The following KLF12 variants were observed in gnomAD, a reference collection of about 807,000 sequenced individuals.
KLF12 encodes Krueppel-like factor 12.
A neutral mutation model predicts 37.8 loss-of-function variants in KLF12; 9 were observed. The ratio of observed to expected loss-of-function variants is 0.24; its 90% CI spans 0.14 to 0.42. The LOEUF (loss-of-function observed/expected upper bound fraction) is 0.42. KLF12 is among the 10% of genes least tolerant of loss of function. The pLI is 1.00. For synonymous variants in KLF12, 208 were observed against 202.1 expected (o/e 1.03, Z -0.25); for missense variants, 411 against 516.0 (o/e 0.80, Z 1.97).
At chr13:73,845,722 A>T in intron 4 of KLF12, 105 bp downstream of exon 4, 1 of 1,027,212 alleles carries the variant, frequency 9.7e-7, no homozygotes, top group Non-Finnish European at 1.4e-6. Context: ...CTCTACACAG[A>T]ACTTCTTTAG....
At chr13:74,206,256 T>C in the KLF12 span, among the ~76,000 whole-genome samples, 1 of 152,198 alleles carries the variant, frequency 6.6e-6, no homozygotes, top group African/African-American at 2.4e-5. Context: ...TATTTTATAA[T>C]ACTAACTATA....
At chr13:74,209,071 A>G in the KLF12 span, among the ~76,000 whole-genome samples, 1 of 152,140 alleles carries the variant, frequency 6.6e-6, no homozygotes, top group Non-Finnish European at 1.5e-5. Context: ...CATTACAGAA[A>G]TATTAAAAAA....
chr13:73,977,827 T>C (rs1297323282), intron 2 of KLF12, among the ~76,000 whole-genome samples: 1 of 152,194 alleles, frequency 6.6e-6, no homozygotes, highest in African/African-American at 2.4e-5. Flanking sequence ...ATAAATATAG[T>C]CAACTAATCT....
At chr13:73,791,010 A>C (rs1881653107) in intron 5 of KLF12, among the ~76,000 whole-genome samples, 1 of 152,194 alleles carries the variant, frequency 6.6e-6, no homozygotes, top group Admixed American at 6.5e-5. Flanking sequence ...AAAAAGGGGG[A>C]GTTGTCTCTT....
the KLF12 span, among the ~76,000 whole-genome samples, chr13:74,237,818 A>G: frequency 6.6e-6 from 1 of 152,256 alleles, no homozygotes; most frequent in African/African-American, 2.4e-5. Context: ...GAAGTTGCTT[A>G]TCAGCTTAAG....
the KLF12 span, among the ~76,000 whole-genome samples, chr13:74,170,304 A>T: frequency 2.0e-5 from 3 of 152,332 alleles, no homozygotes; most frequent in South Asian, 6.2e-4. Context: ...TTTAATTAAT[A>T]TTTACATATC....
intron 5 of KLF12, among the ~76,000 whole-genome samples, chr13:73,810,359 GCA>G (rs1843000035): frequency 6.6e-6 from 1 of 152,038 alleles, no homozygotes; most frequent in Admixed American, 6.6e-5. Context: ...CGTATTAAAA[GCA>G]CAAAAATAGT....
At chr13:73,700,310 AT>A (rs1214043209) in intron 7 of KLF12, among the ~76,000 whole-genome samples, 1 of 151,458 alleles carries the variant, frequency 6.6e-6, no homozygotes, top group Admixed American at 6.6e-5. Flanking sequence ...AAAAGAAAAA[AT>A]AATAATAAAA....
At chr13:73,778,746 G>A (rs1044565704) in intron 5 of KLF12, among the ~76,000 whole-genome samples, 3 of 152,036 alleles carry the variant, frequency 2.0e-5, no homozygotes, top group South Asian at 2.1e-4. Context: ...AACGAGAAAC[G>A]CAAGCTTAGA....
At chr13:74,089,805 A>G (rs1241845310) in intron 1 of KLF12, among the ~76,000 whole-genome samples, 6 of 22,732 alleles carry the variant, frequency 2.6e-4, no homozygotes, top group East Asian at 8.9e-3. Context: ...TGCAGGGGGA[A>G]AAAAAAAAAA....
chr13:73,823,445 G>A (rs565632545), intron 4 of KLF12, among the ~76,000 whole-genome samples: 1 of 152,238 alleles, frequency 6.6e-6, no homozygotes, highest in African/African-American at 2.4e-5. Context: ...CAGAACTATT[G>A]TGCCACATAG....
chr13:73,892,517 C>T (rs1023185454), intron 3 of KLF12, among the ~76,000 whole-genome samples: 8 of 152,048 alleles, frequency 5.3e-5, no homozygotes, highest in East Asian at 1.9e-4. Flanking sequence ...AAAATAGGAA[C>T]GTATAAAAAC....
intron 7 of KLF12, among the ~76,000 whole-genome samples, chr13:73,695,979 T>C (rs1230611432): frequency 6.6e-6 from 1 of 152,100 alleles, no homozygotes; most frequent in Non-Finnish European, 1.5e-5. Flanking sequence ...TAAAAAGAAA[T>C]TACTAAAGCT....
chr13:73,838,164 G>A (rs1263766573), intron 4 of KLF12, among the ~76,000 whole-genome samples: 3 of 152,142 alleles, frequency 2.0e-5, no homozygotes, highest in African/African-American at 2.4e-5. Context: ...GTCACAATGC[G>A]CAATGAGTTT....
the KLF12 span, among the ~76,000 whole-genome samples, chr13:74,272,867 T>A: frequency 6.6e-6 from 1 of 152,144 alleles, no homozygotes. Context: ...AAGACCTTGG[T>A]ATGCTAGGTA....
rs1305780769 is a variant in KLF12, at chr13:73,690,489, T to C, written c.*5001A>G. On this transcript the variant is annotated 3_prime_UTR_variant, in exon 8 of 8. Coordinates refer to ENST00000377669, the MANE Select transcript of KLF12 (RefSeq NM_007249.5). The stretch of plus-strand genomic sequence containing the variant: ...CCTCTTTAGTACAAGCAAAATCCTG[T>C]GCAGCTGTTTTGCCCTTTTCAGGAA... 6.6e-6 allele frequency: 1 copy of C among 152,214 alleles called. No homozygotes were observed. Among genetic ancestry groups the C allele is most frequent in the Non-Finnish European group, 1.5e-5 (1 of 68,038 alleles). 9.4% of individuals were successfully genotyped at this position (152,214 alleles called of 1,614,324 possible).
chr13:73,765,871 TCTTA>T (rs1879878720), intron 5 of KLF12, among the ~76,000 whole-genome samples: 1 of 152,158 alleles, frequency 6.6e-6, no homozygotes, highest in Admixed American at 6.6e-5. Context: ...CATACATTGC[TCTTA>T]TTTACAAGAA....
intron 2 of KLF12, among the ~76,000 whole-genome samples, chr13:73,967,975 G>A (rs1891219693): frequency 1.3e-5 from 2 of 152,158 alleles, no homozygotes; most frequent in Admixed American, 1.3e-4. Context: ...AGTCTGTCAG[G>A]CTACTACTTC....
chr13:74,163,250 A>C, the KLF12 span, among the ~76,000 whole-genome samples: 1 of 152,188 alleles, frequency 6.6e-6, no homozygotes, highest in African/African-American at 2.4e-5. Flanking sequence ...CAAAAGAAAG[A>C]AAATCAGTAT....
Sources: gnomAD v4.1 joint callset for allele counts (sites outside exome capture counted in the v4.1 genomes callset) on GRCh38, gnomAD v4.1.1 for gene constraint, MANE v1.5 for transcripts, NCBI Gene and HGNC (gene_info 2026-07-23, HGNC 2026-07-21) for gene names.